The following NRP1 variants were observed in gnomAD, a reference collection of about 807,000 sequenced individuals.
NRP1 encodes the protein neuropilin 1.
A neutral mutation model predicts 106.7 loss-of-function variants in NRP1; 35 were observed. That is an observed-to-expected ratio of 0.33 (90% confidence interval 0.25 to 0.43). NRP1 has a LOEUF of 0.43. Ranked by LOEUF, NRP1 falls within the 20% of genes least tolerant of loss-of-function variation. NRP1 has a pLI of 1.00. For missense variants in NRP1, 1,024 were observed against 1,170.4 expected (o/e 0.87, Z 1.83); for synonymous variants, 437 against 417.9 (o/e 1.05, Z -0.56).
intron 2 of NRP1, among the ~76,000 whole-genome samples, chr10:33,274,700 A>AC (rs922088642): frequency 6.6e-6 from 1 of 151,910 alleles, no homozygotes; most frequent in African/African-American, 2.4e-5. Context: ...TACTGCACCA[A>AC]CCCCCCAGGC....
intron 6 of NRP1, among the ~76,000 whole-genome samples, chr10:33,238,361 A>C (rs1008443059): frequency 6.6e-6 from 1 of 152,250 alleles, no homozygotes; most frequent in Admixed American, 6.5e-5. Flanking sequence ...GGAGAAGTTC[A>C]TGAGTTCAGA....
intron 6 of NRP1, 151 bp downstream of exon 6, chr10:33,253,877 C>A: frequency 1.6e-6 from 1 of 610,708 alleles, no homozygotes. Flanking sequence ...GGCCGTGAAC[C>A]TATCTTCTCT....
intron 11 of NRP1, chr10:33,202,310 T>C (rs1482248751): frequency 2.3e-5 from 5 of 213,692 alleles, no homozygotes; most frequent in Non-Finnish European, 4.7e-5. Flanking sequence ...CTAGATTAAT[T>C]AGTGAGACAT....
chr10:33,243,878 G>A (rs1445574590), intron 6 of NRP1, among the ~76,000 whole-genome samples: 1 of 151,094 alleles, frequency 6.6e-6, no homozygotes, highest in Admixed American at 6.6e-5. Flanking sequence ...GAGATTAGAT[G>A]GCTAAGGGAG....
At chr10:33,273,904 G>T (rs570819773) in intron 2 of NRP1, among the ~76,000 whole-genome samples, 1 of 152,126 alleles carries the variant, frequency 6.6e-6, no homozygotes, top group Non-Finnish European at 1.5e-5. Flanking sequence ...TACAGACGGG[G>T]CTCCCATCTG....
chr10:33,232,693 A>T (rs1190630568), intron 6 of NRP1, among the ~76,000 whole-genome samples: 5 of 127,966 alleles, frequency 3.9e-5, no homozygotes, highest in African/African-American at 1.5e-4. Flanking sequence ...CCCTGGCTAG[A>T]GTGCAATGGC....
At chr10:33,207,849 A>C (rs550016680) in intron 9 of NRP1, 133 bp from the exon 10 acceptor site, 1 of 796,528 alleles carries the variant, frequency 1.3e-6, no homozygotes, top group Non-Finnish European at 2.0e-6. Context: ...TTTGTGGTAC[A>C]TCTCTTTCAT....
chr10:33,221,460 C>A (rs761299996), intron 8 of NRP1, among the ~76,000 whole-genome samples: 1 of 152,106 alleles, frequency 6.6e-6, no homozygotes, highest in Non-Finnish European at 1.5e-5. Flanking sequence ...GGCTGTATGG[C>A]ATAAATTATT....
intron 2 of NRP1, among the ~76,000 whole-genome samples, chr10:33,315,296 A>G (rs1290651433): frequency 6.6e-6 from 1 of 152,238 alleles, no homozygotes. Flanking sequence ...CTGACTCACT[A>G]CCCAGGAAAA....
rs1461526297 is a variant in NRP1 at position 33,179,985 on chromosome 10, C to G, written c.*91G>C. The G allele has an allele frequency of 1.5e-6, 2 of 1,367,372 alleles. No homozygotes were observed. Among genetic ancestry groups the G allele is most frequent in the African/African-American group, 2.9e-5 (2 of 69,744 alleles). 84.7% of individuals were successfully genotyped at this position (1,367,372 alleles called of 1,614,324 possible). A position where few individuals can be genotyped will look rare whatever the true frequency, so the allele number is the denominator to read the frequency against. ...GGCTCAGTGGTCATCAACACACTTC[C>G]CAGCCTGTATAGTGAAAGATCAACA... On this transcript the variant is annotated 3_prime_UTR_variant, in exon 17 of 17. Coordinates refer to ENST00000374867, the MANE Select transcript of NRP1 (RefSeq NM_003873.7).
intron 6 of NRP1, among the ~76,000 whole-genome samples, chr10:33,252,106 T>G (rs144628423): frequency 1.3e-5 from 2 of 151,766 alleles, no homozygotes; most frequent in Admixed American, 1.3e-4. Flanking sequence ...GAGGAACACA[T>G]TGGGGGAAGA....
At chr10:33,199,363 T>TCTATATATATATATATA (rs57736461) in intron 11 of NRP1, among the ~76,000 whole-genome samples, 1 of 64,502 alleles carries the variant, frequency 1.6e-5, no homozygotes, top group Non-Finnish European at 3.2e-5. Context: ...TGCCTGGCTG[T>TCTATATATATATATATA]TTTCTATATA....
At chr10:33,236,955 C>A (rs1329708145) in intron 6 of NRP1, among the ~76,000 whole-genome samples, 1 of 152,078 alleles carries the variant, frequency 6.6e-6, no homozygotes, top group African/African-American at 2.4e-5. Context: ...TGAGACGTAG[C>A]GCAATTAAGA....
chr10:33,329,639 G>A lies in NRP1; in HGVS notation c.248+1069C>T, dbSNP rs964255234. On this transcript the variant is annotated intron_variant, in intron 2 of 16. Transcript: ENST00000374867. ...CTTTAAAACTTGTGAAAACCTCTCA[G>A]TCCCTGAGAAACACTTTAGAATTGA... Among the ~76,000 whole-genome samples the A allele has an allele frequency of 2.6e-5, 4 of 152,192 alleles. No individual in the cohort carries two copies. The East Asian group carries it at 5.8e-4, about 22-fold the overall frequency.
intron 16 of NRP1, among the ~76,000 whole-genome samples, chr10:33,181,483 G>A (rs1835681364): frequency 1.3e-5 from 2 of 152,176 alleles, no homozygotes; most frequent in South Asian, 4.1e-4. Context: ...GGCAACAGAT[G>A]CTGACATGCA....
At chr10:33,269,956 A>G (rs1186185484) in intron 3 of NRP1, among the ~76,000 whole-genome samples, 1 of 152,228 alleles carries the variant, frequency 6.6e-6, no homozygotes. Context: ...TTCATTATAT[A>G]TTACAAAGTA....
rs573699101 is a variant in NRP1 at position 33,210,052 on chromosome 10, C to T, written c.1615-2336G>A. ...AACAGTGGAAGCATGTCAGTGAAGACAGATTGGGTAGGTTGCAACAGAATC... is the reference window on the plus strand; with the variant it reads ...AACAGTGGAAGCATGTCAGTGAAGATAGATTGGGTAGGTTGCAACAGAATC... On this transcript the variant is annotated intron_variant, in intron 9 of 16. Transcript: ENST00000374867. 2.0e-5 allele frequency among the ~76,000 whole-genome samples: 3 copies of T among 152,282 alleles called. No individual in the cohort carries two copies. In the South Asian group the frequency reaches 6.2e-4, roughly 32 times the overall value.
intron 12 of NRP1, chr10:33,194,660 T>C: frequency 2.1e-6 from 1 of 482,628 alleles, no homozygotes; most frequent in South Asian, 1.5e-5. Context: ...TCTTTTATCT[T>C]CTTGTCTTGA....
At chr10:33,331,574 T>G (rs1300719254) in intron 1 of NRP1, among the ~76,000 whole-genome samples, 2 of 152,256 alleles carry the variant, frequency 1.3e-5, no homozygotes, top group Non-Finnish European at 2.9e-5. Flanking sequence ...AATAGCCACA[T>G]GGCATTAATT....
Sources: gnomAD v4.1 joint callset for allele counts (sites outside exome capture counted in the v4.1 genomes callset) on GRCh38, gnomAD v4.1.1 for gene constraint, MANE v1.5 for transcripts, NCBI Gene and HGNC (gene_info 2026-07-23, HGNC 2026-07-21) for gene names.